Variants in CD83 observed in about 807,000 individuals in gnomAD.
CD83 encodes CD83 antigen.
Under a neutral mutation model 24.6 loss-of-function variants are expected in CD83, and 22 were observed. The ratio of observed to expected loss-of-function variants is 0.90; its 90% confidence interval spans 0.64 to 1.28. The LOEUF is 1.28. Ranked by LOEUF, CD83 falls within the 50% of genes most tolerant of loss-of-function variation. The pLI is 0.00. For missense variants in CD83, 253 were observed against 252.8 expected (o/e 1.00, Z -0.01); for synonymous variants, 101 against 103.5 (o/e 0.98, Z 0.14).
chr6:14,117,928 A>G lies in CD83; in HGVS notation c.38-22A>G, dbSNP rs756519906. On this transcript the variant is annotated intron_variant, in intron 1 of 4. Transcript: ENST00000379153. The surrounding 1 kb of genome is among the most constrained non-coding windows in gnomAD (Gnocchi z 4.6). ...CCCTCCCGTCGGTCGCTTGCTCACG[A>G]CGCGCTCTCTCTTTCTTGTAGCCTA... 1.3e-6 allele frequency: 2 copies of G among 1,596,780 alleles called. No individual in the cohort carries two copies. The highest frequency in any genetic ancestry group is 1.7e-6 in the Non-Finnish European group (2 of 1,174,600).
intron 2 of CD83, among the ~76,000 whole-genome samples, chr6:14,125,045 G>A (rs1459498821): frequency 6.6e-6 from 1 of 152,178 alleles, no homozygotes; most frequent in South Asian, 2.1e-4. Flanking sequence ...GCCAAGCAAC[G>A]CCGAGGACTG....
intron 2 of CD83, among the ~76,000 whole-genome samples, chr6:14,130,013 G>A (rs1472515528): frequency 2.0e-5 from 3 of 152,162 alleles, no homozygotes; most frequent in African/African-American, 7.2e-5. Context: ...CAGAACGGGA[G>A]ATTCATCATT....
chr6:14,127,083 G>C (rs145099932), intron 2 of CD83, among the ~76,000 whole-genome samples: 86 of 151,950 alleles, frequency 5.7e-4, no homozygotes, highest in African/African-American at 2.0e-3. Flanking sequence ...TCGCCTCCTG[G>C]GTTCAAGCGA....
intron 2 of CD83, among the ~76,000 whole-genome samples, chr6:14,121,387 G>A (rs188322431): frequency 3.4e-4 from 52 of 151,474 alleles, no homozygotes; most frequent in Non-Finnish European, 6.9e-4. Flanking sequence ...ACATTGCCCA[G>A]GCTGGTCTCC....
In CD83 at chr6:14,135,329, A is replaced by G. The variant is rs2113408148; in HGVS notation, c.*93A>G. On this transcript the variant is annotated 3_prime_UTR_variant, in exon 5 of 5. Transcript: ENST00000379153. ...GGAGAGAAGAATGAGCCTACGCTGA[A>G]GATGGCATCCTGTGAAGTCCTTCAC... The G allele has an allele frequency of 7.3e-7, 1 of 1,378,764 alleles. No individual in the cohort carries two copies. The highest frequency in any genetic ancestry group is 9.9e-7 in the Non-Finnish European group (1 of 1,005,334). The allele number at this position is 1,378,764 out of a possible 1,614,324, so 85.4% of individuals were successfully genotyped here.
intron 2 of CD83, among the ~76,000 whole-genome samples, 172 bp downstream of exon 2, chr6:14,118,237 GCATCCA>G: frequency 6.6e-6 from 1 of 152,204 alleles, no homozygotes; most frequent in East Asian, 1.9e-4. Flanking sequence ...CACCCCATCC[GCATCCA>G]GGTACAGGGC....
Position 14,117,887 on chromosome 6 carries a change from G to A in CD83, c.37+39G>A, listed in dbSNP as rs776525262. On this transcript the variant is annotated intron_variant, in intron 1 of 4. Coordinates refer to ENST00000379153, the MANE Select transcript of CD83 (RefSeq NM_004233.4). This position sits in a 1 kb window ranked among gnomAD's most constrained non-coding sequence, Gnocchi z 4.6. ...GCGCCTGTCTCGCCTGTCGCCCCCC[G>A]CCCCTCCACGACACCCCCTCCCGTC... 21 of 1,575,422 alleles carry A rather than the reference G, an allele frequency of 1.3e-5. No individual in the cohort carries two copies. The highest frequency in any genetic ancestry group is 2.7e-5 in the African/African-American group (2 of 74,200).
chr6:14,130,088 C>T (rs1288365989), intron 2 of CD83, among the ~76,000 whole-genome samples: 2 of 152,018 alleles, frequency 1.3e-5, no homozygotes, highest in Non-Finnish European at 2.9e-5. Context: ...CCTAAGGTGG[C>T]TCTTGGGTGC....
rs944184160 is a variant in CD83 at position 14,129,637 on chromosome 6, G to A, written c.154-1883G>A. 1.3e-5 allele frequency among the ~76,000 whole-genome samples: 2 copies of A among 152,216 alleles called. No individual in the cohort carries two copies. Among genetic ancestry groups the A allele is most frequent in the South Asian group, 4.2e-4 (2 of 4,816 alleles). ...AAATGGGATTTATGTCCGCAGACTC[G>A]GCCTGAGAAGAGCCGTTCATCTCAG... On this transcript the variant is annotated intron_variant, in intron 2 of 4. Coordinates refer to ENST00000379153, the MANE Select transcript of CD83 (RefSeq NM_004233.4). This position sits in a 1 kb window ranked among gnomAD's most constrained non-coding sequence, Gnocchi z 4.3.
Position 14,118,604 on chromosome 6 carries a change from G to A in CD83, c.153+539G>A, listed in dbSNP as rs117045777. The stretch of plus-strand genomic sequence containing the variant: ...TTATCAGTGGTCATCTCCTTTGTGG[G>A]ATACCCTTGGCTTCCTCCCCTAGCC... On this transcript the variant is annotated intron_variant, in intron 2 of 4. Transcript: ENST00000379153. Among the ~76,000 whole-genome samples the A allele has an allele frequency of 4.6e-5, 7 of 152,264 alleles. No individual in the cohort carries two copies. The East Asian group carries it at 7.7e-4, about 17-fold the overall frequency.
intron 2 of CD83, among the ~76,000 whole-genome samples, chr6:14,121,085 CT>C (rs1759658950): frequency 6.6e-6 from 1 of 152,286 alleles, no homozygotes; most frequent in South Asian, 2.1e-4. Flanking sequence ...CCCTTCCTCC[CT>C]TATACTTTTT....
At position 14,135,263 on chromosome 6, in the gene CD83, T is replaced by C. The variant is rs370981238; in HGVS notation, c.*27T>C. On this transcript the variant is annotated 3_prime_UTR_variant, in exon 5 of 5. Transcript: ENST00000379153. ...CAGGATTTCTGCAGGTTCTTCTTCC[T>C]GAAGCTGAGGCTCAGGGGTGTGCCT... 3.7e-6 allele frequency: 6 copies of C among 1,611,062 alleles called. No homozygotes were observed. The African/African-American group carries it at 8.0e-5, about 22-fold the overall frequency.
Position 14,117,931 on chromosome 6 carries a change from C to A in CD83, c.38-19C>A. 1 of 1,600,366 alleles carries A rather than the reference C, an allele frequency of 6.2e-7. No homozygotes were observed. Among genetic ancestry groups the A allele is most frequent in the Non-Finnish European group, 8.5e-7 (1 of 1,175,912 alleles). On this transcript the variant is annotated intron_variant, in intron 1 of 4. Transcript: ENST00000379153. The surrounding 1 kb of genome is among the most constrained non-coding windows in gnomAD (Gnocchi z 4.6). ...TCCCGTCGGTCGCTTGCTCACGACG[C>A]GCTCTCTCTTTCTTGTAGCCTACAG...
At chr6:14,118,826 C>G (rs564007372) in intron 2 of CD83, among the ~76,000 whole-genome samples, 1 of 152,344 alleles carries the variant, frequency 6.6e-6, no homozygotes, top group South Asian at 2.1e-4. Flanking sequence ...AGCCAAGCAG[C>G]TACTGTTTGA....
chr6:14,118,352 A>ATT (rs1554135492), intron 2 of CD83, among the ~76,000 whole-genome samples: 1 of 152,230 alleles, frequency 6.6e-6, no homozygotes, highest in East Asian at 1.9e-4. Flanking sequence ...AAGGGCAGAG[A>ATT]CTCTCATTTG....
chr6:14,135,614 C>A lies in CD83; in HGVS notation c.*378C>A. ...ACAGACTCCTGAGGACAGCTGTCCT[C>A]TTCTGCATCTTGGGGACATCTCTTT... On this transcript the variant is annotated 3_prime_UTR_variant, in exon 5 of 5. Transcript: ENST00000379153. The A allele has an allele frequency of 5.7e-6, 1 of 175,050 alleles. No individual in the cohort carries two copies. The highest frequency in any genetic ancestry group is 1.2e-5 in the Non-Finnish European group (1 of 82,634). 10.8% of individuals were successfully genotyped at this position (175,050 alleles called of 1,614,324 possible).
At chr6:14,132,794 C>G (rs1016335751) in intron 3 of CD83, among the ~76,000 whole-genome samples, 10 of 152,190 alleles carry the variant, frequency 6.6e-5, no homozygotes, top group Middle Eastern at 3.2e-3. Flanking sequence ...GGAGATCTAG[C>G]CATTGGCTCC....
In CD83 at chr6:14,117,804, C is replaced by A; in HGVS notation, c.-8C>A. The stretch of plus-strand genomic sequence containing the variant: ...TGCAGCTCGTGGCAGCGGCGCAGCG[C>A]TCCAGCCATGTCGCGCGGCCTCCAG... On this transcript the variant is annotated 5_prime_UTR_variant, in exon 1 of 5. Coordinates refer to ENST00000379153, the MANE Select transcript of CD83 (RefSeq NM_004233.4). This position sits in a 1 kb window ranked among gnomAD's most constrained non-coding sequence, Gnocchi z 4.6. 6.5e-7 allele frequency: 1 copy of A among 1,546,838 alleles called. No homozygotes were observed. Among genetic ancestry groups the A allele is most frequent in the Non-Finnish European group, 8.7e-7 (1 of 1,153,518 alleles).
Position 14,117,969 on chromosome 6 carries a change from G to A in CD83, c.57G>A (p.Ala19=), listed in dbSNP as rs761087447. ...TTGTAGCCTACAGCCTGGCTCCCGC[G>A]ACGCCGGAGGTGAAGGTGGCTTGCT... ...LLSCAYSLAP[A]TPEVKVACSE... is the part of the protein sequence containing the mutation. The change falls in exon 2 of 5, where the codon GCG becomes GCA. Residue 19 remains alanine (A), a synonymous_variant. Coordinates refer to ENST00000379153, the MANE Select transcript of CD83 (RefSeq NM_004233.4). This position sits in a 1 kb window ranked among gnomAD's most constrained non-coding sequence, Gnocchi z 4.6. 3.7e-5 allele frequency: 60 copies of A among 1,609,160 alleles called. No individual in the cohort carries two copies. The highest frequency in any genetic ancestry group is 5.1e-5 in the Non-Finnish European group (60 of 1,178,946).
Sources: allele counts gnomAD v4.1 joint callset (sites outside exome capture counted in the v4.1 genomes callset), GRCh38; gene constraint gnomAD v4.1.1; non-coding constraint Gnocchi (gnomAD v3.1); transcripts MANE v1.5; gene names NCBI Gene and HGNC (gene_info 2026-07-23, HGNC 2026-07-21).